Variants in SNTG1 observed in about 807,000 individuals in gnomAD.
SNTG1 encodes the protein gamma-1-syntrophin.
Under a neutral mutation model 74.7 loss-of-function variants are expected in SNTG1, and 39 were observed. The ratio of observed to expected loss-of-function variants is 0.52; its 90% CI spans 0.40 to 0.68. The LOEUF is 0.68. Ranked by LOEUF, SNTG1 falls within the 30% of genes least tolerant of loss-of-function variation. The probability of loss-of-function intolerance (pLI) is 0.00; values close to 1 mark genes in which losing one functional copy is unlikely to be tolerated. For synonymous variants in SNTG1, 254 were observed against 217.1 expected, an observed-to-expected ratio of 1.17 and a Z score of -1.49; for missense variants, 685 against 609.5, an observed-to-expected ratio of 1.12 and a Z score of -1.30.
At chr8:50,750,400 AT>A (rs2095564608) in intron 17 of SNTG1, among the ~76,000 whole-genome samples, 2 of 152,060 alleles carry the variant, frequency 1.3e-5, no homozygotes, top group Non-Finnish European at 2.9e-5. Context: ...AATATTTAGA[AT>A]ATTACATTAA....
intron 1 of SNTG1, among the ~76,000 whole-genome samples, chr8:50,096,410 G>A (rs1430312303): frequency 1.3e-5 from 2 of 152,176 alleles, no homozygotes; most frequent in East Asian, 1.9e-4. Flanking sequence ...TAGAAGTGGC[G>A]AGTATAATTG....
At chr8:50,494,370 T>G (rs1000339348) in intron 8 of SNTG1, among the ~76,000 whole-genome samples, 1 of 151,968 alleles carries the variant, frequency 6.6e-6, no homozygotes, top group Admixed American at 6.6e-5. Flanking sequence ...TCGTTTATTT[T>G]ATTTATACTA....
At chr8:50,374,385 G>A (rs115021188) in intron 2 of SNTG1, among the ~76,000 whole-genome samples, 3 of 152,178 alleles carry the variant, frequency 2.0e-5, no homozygotes, top group Admixed American at 6.5e-5. Flanking sequence ...AGGCACTTTC[G>A]AATTTAGTCA....
intron 5 of SNTG1, among the ~76,000 whole-genome samples, chr8:50,446,511 C>T (rs2093409503): frequency 6.6e-6 from 1 of 151,716 alleles, no homozygotes; most frequent in Admixed American, 6.6e-5. Flanking sequence ...GAAATCCCAT[C>T]TCTACAAAAA....
chr8:50,751,456 A>G (rs974669958), intron 17 of SNTG1, among the ~76,000 whole-genome samples: 15 of 152,034 alleles, frequency 9.9e-5, no homozygotes, highest in African/African-American at 3.1e-4. Context: ...TCTGCTTCAG[A>G]GAATTACATT....
intron 18 of SNTG1, among the ~76,000 whole-genome samples, chr8:50,759,502 G>A (rs757279298): frequency 1.4e-4 from 22 of 151,882 alleles, no homozygotes; most frequent in Admixed American, 7.2e-4. Context: ...GTAAAGAAGG[G>A]GTCCAGTTTC....
At chr8:50,086,480 C>T (rs180784440) in intron 1 of SNTG1, among the ~76,000 whole-genome samples, 27 of 152,092 alleles carry the variant, frequency 1.8e-4, no homozygotes, top group Admixed American at 6.6e-5. Flanking sequence ...ATTAGTGTTG[C>T]CCTGCATGAT....
intron 15 of SNTG1, among the ~76,000 whole-genome samples, chr8:50,664,945 T>C (rs2095243361): frequency 1.3e-5 from 2 of 152,200 alleles, no homozygotes; most frequent in South Asian, 2.1e-4. Flanking sequence ...AGGATCATTT[T>C]GTTTGTAGAT....
At chr8:50,633,790 C>T (rs1160849312) in intron 13 of SNTG1, among the ~76,000 whole-genome samples, 1 of 152,040 alleles carries the variant, frequency 6.6e-6, no homozygotes, top group Non-Finnish European at 1.5e-5. Context: ...GTGAGGAGTG[C>T]CAGTATTTAA....
At chr8:50,125,822 T>A (rs1019964429) in intron 1 of SNTG1, among the ~76,000 whole-genome samples, 9 of 152,144 alleles carry the variant, frequency 5.9e-5, no homozygotes, top group Non-Finnish European at 1.5e-5. Context: ...AAAATGCTGA[T>A]CGTATGGCAT....
intron 1 of SNTG1, among the ~76,000 whole-genome samples, chr8:50,028,616 G>A (rs1378304942): frequency 6.6e-6 from 1 of 151,810 alleles, no homozygotes; most frequent in Non-Finnish European, 1.5e-5. Flanking sequence ...GGGAGGGATA[G>A]CATTGGGAGA....
intron 2 of SNTG1, among the ~76,000 whole-genome samples, chr8:50,261,877 A>C (rs1350033561): frequency 6.6e-6 from 1 of 152,108 alleles, no homozygotes; most frequent in Admixed American, 6.6e-5. Flanking sequence ...ACAAACAAGG[A>C]ACAGAGGAGA....
chr8:50,200,541 C>T (rs1056505742), intron 2 of SNTG1, among the ~76,000 whole-genome samples: 1 of 152,154 alleles, frequency 6.6e-6, no homozygotes, highest in Non-Finnish European at 1.5e-5. Flanking sequence ...TCTGCTCTCT[C>T]TTAAAATCTG....
rs1488303539 is a variant in SNTG1, at chr8:49,937,658, G to A, written c.-103+25427G>A. ...GGATCTAGTCAGCTACACTCAAAATGTGGAAACCATAGTGAACAAATGATT... is the reference window on the plus strand; with the variant it reads ...GGATCTAGTCAGCTACACTCAAAATATGGAAACCATAGTGAACAAATGATT... On this transcript the variant is annotated intron_variant, in intron 1 of 18. Transcript: ENST00000642720. Among the ~76,000 whole-genome samples the A allele has an allele frequency of 3.3e-5, 5 of 152,172 alleles. No individual in the cohort carries two copies. In the East Asian group the frequency reaches 7.7e-4, roughly 23 times the overall value.
intron 1 of SNTG1, among the ~76,000 whole-genome samples, chr8:50,016,777 T>G (rs1816358162): frequency 6.6e-6 from 1 of 152,134 alleles, no homozygotes; most frequent in South Asian, 2.1e-4. Flanking sequence ...GTGAGAAATG[T>G]CCATTAAAAT....
chr8:50,198,427 G>A (rs1177283546), intron 2 of SNTG1, among the ~76,000 whole-genome samples: 1 of 152,090 alleles, frequency 6.6e-6, no homozygotes, highest in East Asian at 1.9e-4. Context: ...GGCAATATGG[G>A]GCAAGTAAAT....
intron 2 of SNTG1, among the ~76,000 whole-genome samples, chr8:50,202,372 C>T (rs1463176661): frequency 1.3e-5 from 2 of 152,102 alleles, no homozygotes; most frequent in Admixed American, 1.3e-4. Context: ...TTCCCCTGAT[C>T]TCTCTTGGAA....
At chr8:49,995,684 G>C (rs1242344344) in intron 1 of SNTG1, among the ~76,000 whole-genome samples, 1 of 152,216 alleles carries the variant, frequency 6.6e-6, no homozygotes, top group African/African-American at 2.4e-5. Flanking sequence ...GTAGGCATTG[G>C]AATCTCTGCT....
chr8:50,693,774 A>T (rs73676395), intron 15 of SNTG1, among the ~76,000 whole-genome samples: 3,297 of 152,292 alleles, frequency 0.022, 102 homozygotes, highest in African/African-American at 0.071. Context: ...TTCAACCTCA[A>T]TAATATGAAA....
Sources: allele counts gnomAD v4.1 joint callset (sites outside exome capture counted in the v4.1 genomes callset), GRCh38; gene constraint gnomAD v4.1.1; transcripts MANE v1.5; gene names NCBI Gene and HGNC (gene_info 2026-07-23, HGNC 2026-07-21).